Variants in ERI3 observed in about 807,000 individuals in gnomAD.
The protein encoded by ERI3 is ERI1 exoribonuclease family member 3.
A neutral mutation model predicts 44.4 loss-of-function variants in ERI3; 18 were observed. The observed-to-expected ratio is 0.41, with a 90% CI of 0.28 to 0.60. ERI3 has a LOEUF of 0.60. Ranked by LOEUF, ERI3 falls within the 20% of genes least tolerant of loss-of-function variation. ERI3 has a pLI of 0.36. For synonymous variants in ERI3, 183 were observed against 164.8 expected, an observed-to-expected ratio of 1.11 and a Z score of -0.84; for missense variants, 294 against 435.5, an observed-to-expected ratio of 0.68 and a Z score of 2.89.
intron 8 of ERI3, among the ~76,000 whole-genome samples, chr1:44,223,203 T>C (rs542069914): frequency 6.6e-6 from 1 of 152,262 alleles, no homozygotes; most frequent in East Asian, 1.9e-4. Flanking sequence ...GTGGCGACCA[T>C]GGCAACTCCA....
At chr1:44,238,795 C>T (rs1644366908) in intron 8 of ERI3, among the ~76,000 whole-genome samples, 1 of 152,002 alleles carries the variant, frequency 6.6e-6, no homozygotes. Context: ...GGAAGTGATC[C>T]CACAGCCTGC....
rs538690232 is a variant in ERI3, at chr1:44,331,914, T to G, written c.489+7131A>C. ...AGCAGGGTTGATCATTCCCATCCTT[T>G]GTGCCCCCACTGTACCAAGTACTTA... On this transcript the variant is annotated intron_variant, in intron 3 of 8. Coordinates refer to ENST00000372257, the MANE Select transcript of ERI3 (RefSeq NM_024066.3). Among the ~76,000 whole-genome samples the G allele has an allele frequency of 9.3e-4, 142 of 152,290 alleles. 1 individual carries two copies. Among genetic ancestry groups the G allele is most frequent in the Non-Finnish European group, 9.4e-4 (64 of 68,030 alleles).
Position 44,335,270 on chromosome 1 carries a change from GAGGTTGAGGCTGA to G in ERI3, c.489+3762_489+3774del, listed in dbSNP as rs554885866. On this transcript the variant is annotated intron_variant, in intron 3 of 8. Transcript: ENST00000372257. ...AGATGGGAGGATCGCTTGAGCCCAG[GAGGTTGAGGCTGA>G]AGGTTGAGGCTGCACTGAGCTGTGA... Among the ~76,000 whole-genome samples, 7 of 151,936 alleles carry G rather than the reference GAGGTTGAGGCTGA, an allele frequency of 4.6e-5. No homozygotes were observed. In the South Asian group the frequency reaches 1.2e-3, roughly 27 times the overall value.
intron 3 of ERI3, among the ~76,000 whole-genome samples, chr1:44,326,690 ACAGATGAGAGCTGATG>A (rs1398892845): frequency 6.6e-6 from 1 of 152,184 alleles, no homozygotes; most frequent in Non-Finnish European, 1.5e-5. Context: ...TTACACTTTG[ACAGATGAGAGCTGATG>A]CTCGAAGTTT....
At chr1:44,349,064 G>A (rs768043253) in intron 2 of ERI3, among the ~76,000 whole-genome samples, 5 of 152,198 alleles carry the variant, frequency 3.3e-5, no homozygotes, top group African/African-American at 7.2e-5. Context: ...TCACACTTTG[G>A]TGAATTTCTA....
At chr1:44,353,190 G>C (rs1646932385) in intron 1 of ERI3, 2 of 985,198 alleles carry the variant, frequency 2.0e-6, no homozygotes, top group African/African-American at 3.5e-5. Flanking sequence ...TAGCTATGAA[G>C]TGGTGCCTCT....
chr1:44,275,793 T>C (rs1351188664), intron 7 of ERI3, among the ~76,000 whole-genome samples: 1 of 152,198 alleles, frequency 6.6e-6, no homozygotes, highest in Non-Finnish European at 1.5e-5. Context: ...CTGAGCCCTG[T>C]CTGCCAGGAC....
At chr1:44,322,867 A>G (rs1312419101) in intron 3 of ERI3, 1 of 1,545,612 alleles carries the variant, frequency 6.5e-7, no homozygotes, top group Non-Finnish European at 8.7e-7. Context: ...CATGACAAAC[A>G]TTTTGAAGAT....
chr1:44,320,698 T>C (rs970276331), intron 3 of ERI3, among the ~76,000 whole-genome samples: 1 of 152,124 alleles, frequency 6.6e-6, no homozygotes, highest in African/African-American at 2.4e-5. Context: ...AGCTAACATT[T>C]TTACCACTTT....
chr1:44,325,745 T>C (rs1646299903), intron 3 of ERI3, among the ~76,000 whole-genome samples: 1 of 152,070 alleles, frequency 6.6e-6, no homozygotes, highest in Non-Finnish European at 1.5e-5. Context: ...CACTGCAACC[T>C]CCGCCTCCCA....
intron 3 of ERI3, chr1:44,322,930 T>C (rs1646233533): frequency 6.9e-7 from 1 of 1,454,292 alleles, no homozygotes; most frequent in African/African-American, 1.4e-5. Context: ...GTTAGTGGCA[T>C]TAATCCCAAC....
At chr1:44,254,216 A>G (rs1334628191) in intron 7 of ERI3, among the ~76,000 whole-genome samples, 5 of 152,042 alleles carry the variant, frequency 3.3e-5, no homozygotes, top group Non-Finnish European at 7.4e-5. Flanking sequence ...CCTGTGCTCT[A>G]ATGAGCTTCT....
At chr1:44,251,723 T>G (rs1644683756) in intron 7 of ERI3, among the ~76,000 whole-genome samples, 1 of 152,094 alleles carries the variant, frequency 6.6e-6, no homozygotes, top group Non-Finnish European at 1.5e-5. Context: ...CAATAAAGGC[T>G]TGGGTGTGGC....
chr1:44,285,677 CA>C (rs1645380150), intron 6 of ERI3, among the ~76,000 whole-genome samples: 1 of 152,100 alleles, frequency 6.6e-6, no homozygotes, highest in African/African-American at 2.4e-5. Flanking sequence ...TAACAAGGGT[CA>C]GGAACTTACG....
In ERI3 at chr1:44,319,045, T is replaced by C. The variant is rs149192825; in HGVS notation, c.606+583A>G. The stretch of plus-strand genomic sequence containing the variant: ...AGGCCCAGTTTCACAATCTGTAAAA[T>C]GCAACCAATACTAACCTGCTGACAA... On this transcript the variant is annotated intron_variant, in intron 4 of 8. Transcript: ENST00000372257. 7.0e-4 allele frequency among the ~76,000 whole-genome samples: 106 copies of C among 152,312 alleles called. 1 individual carries two copies. The highest frequency in any genetic ancestry group is 2.5e-3 in the East Asian group (13 of 5,176).
At chr1:44,340,149 C>CA (rs35880098) in intron 2 of ERI3, among the ~76,000 whole-genome samples, 19 of 121,062 alleles carry the variant, frequency 1.6e-4, no homozygotes, top group African/African-American at 5.5e-4. Context: ...TGAACATGTG[C>CA]AAAAAAAAAA....
intron 8 of ERI3, among the ~76,000 whole-genome samples, chr1:44,223,244 G>A (rs1376940976): frequency 1.3e-5 from 2 of 152,168 alleles, no homozygotes; most frequent in Non-Finnish European, 2.9e-5. Context: ...TTTATGGGCC[G>A]GACACGCACC....
intron 7 of ERI3, chr1:44,284,117 C>T (rs1258814502): frequency 1.3e-5 from 6 of 468,236 alleles, no homozygotes; most frequent in South Asian, 1.6e-5. Context: ...GTGGACTGGG[C>T]CTCCTGGAGC....
Position 44,352,848 on chromosome 1 carries a change from AC to A in ERI3, c.211+1del. The A allele has an allele frequency of 6.2e-7, 1 of 1,614,036 alleles. No homozygotes were observed. Among genetic ancestry groups the A allele is most frequent in the Non-Finnish European group, 8.5e-7 (1 of 1,179,994 alleles). Reference sequence around the variant, plus strand: ...GACTTGACCATGCAACAGGATTCTCACCTCTCCTTACTTCGAAGATGCCAAG... The same window carrying A: ...GACTTGACCATGCAACAGGATTCTCACTCTCCTTACTTCGAAGATGCCAAG... On this transcript the variant is annotated splice_donor_variant, in intron 2 of 8. Transcript: ENST00000372257. LOFTEE classifies it high-confidence loss of function.
Sources: gnomAD v4.1 joint callset for allele counts (sites outside exome capture counted in the v4.1 genomes callset) on GRCh38, gnomAD v4.1.1 for gene constraint, MANE v1.5 for transcripts, NCBI Gene and HGNC (gene_info 2026-07-23, HGNC 2026-07-21) for gene names.